The following JAK1 variants were observed in gnomAD, a reference collection of about 807,000 sequenced individuals.
JAK1 encodes tyrosine-protein kinase JAK1.
A neutral mutation model predicts 136.6 loss-of-function variants in JAK1; 16 were observed. That is an observed-to-expected ratio of 0.12 (90% CI 0.08 to 0.18). The LOEUF is 0.18. Ranked by LOEUF, JAK1 falls within the 10% of genes least tolerant of loss-of-function variation. The pLI is 1.00. For missense variants in JAK1, 859 were observed against 1,450.1 expected, an observed-to-expected ratio of 0.59 and a Z score of 6.62; for synonymous variants, 492 against 519.5, an observed-to-expected ratio of 0.95 and a Z score of 0.72.
chr1:64,949,367 A>T (rs2100565929), intron 1 of JAK1, among the ~76,000 whole-genome samples: 1 of 152,322 alleles, frequency 6.6e-6, no homozygotes, highest in East Asian at 1.9e-4. Flanking sequence ...CCCTACTCCT[A>T]TTAGTCATGC....
intron 1 of JAK1, among the ~76,000 whole-genome samples, chr1:64,931,963 G>C (rs78342163): frequency 0.02 from 3,096 of 151,796 alleles, 118 homozygotes; most frequent in African/African-American, 0.072. Flanking sequence ...AGGAGGGGGG[G>C]GGATATTCAA....
intron 1 of JAK1, among the ~76,000 whole-genome samples, chr1:64,910,240 C>T (rs746295455): frequency 1.3e-5 from 2 of 151,872 alleles, no homozygotes; most frequent in Non-Finnish European, 2.9e-5. Flanking sequence ...TAATACGGGA[C>T]AAAAAGTCAA....
chr1:64,995,670 A>G (rs566093124), intron 2 of JAK1, among the ~76,000 whole-genome samples: 10 of 152,362 alleles, frequency 6.6e-5, no homozygotes, highest in African/African-American at 2.4e-4. Context: ...TACAGATTAC[A>G]AAATCATTCA....
intron 1 of JAK1, among the ~76,000 whole-genome samples, chr1:65,066,061 T>C (rs1011166750): frequency 6.6e-6 from 1 of 152,072 alleles, no homozygotes; most frequent in Non-Finnish European, 1.5e-5. Context: ...ATGCTGGGAT[T>C]GCGGAGAGGA....
At chr1:64,857,163 G>A (rs1374689520) in intron 10 of JAK1, among the ~76,000 whole-genome samples, 1 of 152,154 alleles carries the variant, frequency 6.6e-6, no homozygotes, top group Non-Finnish European at 1.5e-5. Flanking sequence ...GTTCTAAGAT[G>A]GGGTGGCAAT....
intron 12 of JAK1, among the ~76,000 whole-genome samples, chr1:64,848,350 T>G (rs1655375052): frequency 6.6e-6 from 1 of 152,220 alleles, no homozygotes; most frequent in African/African-American, 2.4e-5. Context: ...AACCATCTGT[T>G]TCCCATCCAT....
chr1:65,005,509 T>C (rs910047171), intron 2 of JAK1, among the ~76,000 whole-genome samples: 6 of 152,206 alleles, frequency 3.9e-5, no homozygotes, highest in African/African-American at 1.2e-4. Context: ...TAACAATAAT[T>C]TAATGTATTT....
intron 2 of JAK1, among the ~76,000 whole-genome samples, chr1:65,007,745 G>GTTTTTTTT (rs371536456): frequency 7.0e-6 from 1 of 141,928 alleles, no homozygotes; most frequent in African/African-American, 2.6e-5. Flanking sequence ...TTATAGGTAT[G>GTTTTTTTT]TTTTTTTTTT....
chr1:64,839,095 G>C (rs993863122), intron 20 of JAK1, among the ~76,000 whole-genome samples: 1 of 137,650 alleles, frequency 7.3e-6, no homozygotes, highest in African/African-American at 2.8e-5. Flanking sequence ...GCAGTGAGCC[G>C]AGATTGCGCC....
chr1:65,053,774 T>C (rs1569957716), intron 1 of JAK1, among the ~76,000 whole-genome samples: 1 of 152,236 alleles, frequency 6.6e-6, no homozygotes, highest in East Asian at 1.9e-4. Context: ...TGAGCCGTGA[T>C]GGCACCACTG....
At position 64,844,373 on chromosome 1, in the gene JAK1, G is replaced by A. The variant is rs1285712855; in HGVS notation, c.2252-158C>T. On this transcript the variant is annotated intron_variant, in intron 16 of 24. Coordinates refer to ENST00000342505, the MANE Select transcript of JAK1 (RefSeq NM_002227.4). The surrounding 1 kb of genome is among the most constrained non-coding windows in gnomAD (Gnocchi z 5.7). ...CACATAGGCCCTGTGCGGGGGGCCT[G>A]CAGGCGTGCAGCCCTCCAAGCCACC... Among the ~76,000 whole-genome samples, 1 of 152,220 alleles carries A rather than the reference G, an allele frequency of 6.6e-6. No individual in the cohort carries two copies.
rs1045978064 is a variant in JAK1 at position 65,059,128 on chromosome 1, C to T, written c.-181+8476G>A. 2.2e-5 allele frequency among the ~76,000 whole-genome samples: 3 copies of T among 138,422 alleles called. No individual in the cohort carries two copies. The Admixed American group carries it at 2.2e-4, about 10-fold the overall frequency. 90.8% of individuals were successfully genotyped at this position (138,422 alleles called of 152,430 possible). A position where few individuals can be genotyped will look rare whatever the true frequency, so the allele number is the denominator to read the frequency against. ...TCTGGAAATAGATTAGATATTATTA[C>T]CCCATTTTATAGGCAGAAAAAAAAA... On this transcript the variant is annotated intron_variant, in intron 1 of 25. Coordinates refer to the JAK1 transcript ENST00000671954.
At chr1:64,866,477 C>T (rs1470196127) in intron 7 of JAK1, among the ~76,000 whole-genome samples, 2 of 152,354 alleles carry the variant, frequency 1.3e-5, no homozygotes, top group East Asian at 1.9e-4. Flanking sequence ...TTCTTAACTT[C>T]TCTGTGCCTC....
At position 65,025,378 on chromosome 1, in the gene JAK1, G is replaced by A. The variant is rs186777255; in HGVS notation, c.-78+19102C>T. Among the ~76,000 whole-genome samples, 450 of 152,222 alleles carry A rather than the reference G, an allele frequency of 3.0e-3. 2 individuals carry two copies. Among genetic ancestry groups the A allele is most frequent in the African/African-American group, 0.01 (430 of 41,522 alleles). On this transcript the variant is annotated intron_variant, in intron 2 of 25. Transcript: ENST00000671954. ...CCAAAATAGGAGGAAAAGGGATGTCGGGGATGTCAAAAACTAGCAAATGTC... is the reference window on the plus strand; with the variant it reads ...CCAAAATAGGAGGAAAAGGGATGTCAGGGATGTCAAAAACTAGCAAATGTC...
intron 5 of JAK1, 47 bp downstream of exon 5, chr1:64,873,323 T>C (rs750353718): frequency 6.2e-7 from 1 of 1,610,662 alleles, no homozygotes; most frequent in South Asian, 1.1e-5. Context: ...CTACAATGCC[T>C]CTCCCATCCC....
chr1:65,024,130 C>T (rs547413503), intron 2 of JAK1, among the ~76,000 whole-genome samples: 1 of 152,102 alleles, frequency 6.6e-6, no homozygotes, highest in East Asian at 1.9e-4. Flanking sequence ...GGGTATATAC[C>T]TAGGAGTAGA....
intron 1 of JAK1, among the ~76,000 whole-genome samples, chr1:64,940,493 T>G (rs1468150054): frequency 2.0e-5 from 3 of 151,984 alleles, no homozygotes; most frequent in African/African-American, 7.2e-5. Flanking sequence ...ATTTTTGTAT[T>G]TTTAGTAGAG....
chr1:64,934,480 CA>C (rs35939159), intron 1 of JAK1, among the ~76,000 whole-genome samples: 6,337 of 152,140 alleles, frequency 0.042, 355 homozygotes, highest in East Asian at 0.26. Context: ...GATGAATCCA[CA>C]GAGCAGTAAA....
At chr1:64,998,157 A>G (rs1048633761) in intron 2 of JAK1, among the ~76,000 whole-genome samples, 1 of 152,232 alleles carries the variant, frequency 6.6e-6, no homozygotes, top group Non-Finnish European at 1.5e-5. Context: ...GAAGAGATGC[A>G]AAATATGAAA....
Sources: allele counts gnomAD v4.1 joint callset (sites outside exome capture counted in the v4.1 genomes callset), GRCh38; gene constraint gnomAD v4.1.1; non-coding constraint Gnocchi (gnomAD v3.1); transcripts MANE v1.5; gene names NCBI Gene and HGNC (gene_info 2026-07-23, HGNC 2026-07-21).